The following DRP2 variants were observed in gnomAD, a reference collection of about 807,000 sequenced individuals.
DRP2 encodes dystrophin-related protein 2.
In DRP2, 29 loss-of-function variants were observed where a neutral mutation model predicts 78.2. That is an observed-to-expected ratio of 0.37 (90% CI 0.28 to 0.51). The LOEUF (loss-of-function observed/expected upper bound fraction) is 0.51. Among genes scored for constraint, DRP2 ranks in the 20% least tolerant of loss-of-function variants. DRP2 has a pLI of 0.94. For synonymous variants in DRP2, 290 were observed against 281.9 expected, an observed-to-expected ratio of 1.03 and a Z score of -0.29; for missense variants, 686 against 770.6, an observed-to-expected ratio of 0.89 and a Z score of 1.30.
chrX:101,248,938 C>T (rs775802981), intron 14 of DRP2, among the ~76,000 whole-genome samples: 15 of 112,193 alleles, frequency 1.3e-4, no homozygotes, highest in African/African-American at 4.9e-4. Flanking sequence ...CAGGCTTAGC[C>T]CTCTTCCAGT....
At chrX:101,259,814 T>G (rs1303588497) in intron 22 of DRP2, among the ~76,000 whole-genome samples, 2 of 112,477 alleles carry the variant, frequency 1.8e-5, no homozygotes, top group East Asian at 5.6e-4. Context: ...GCCATTCTTA[T>G]AAGAACTGGG....
intron 14 of DRP2, 74 bp from the exon 15 acceptor site, chrX:101,250,349 T>G: frequency 8.4e-7 from 1 of 1,186,075 alleles, no homozygotes; most frequent in South Asian, 1.8e-5. Flanking sequence ...ATTTTCCTTT[T>G]CTGCCCTTTC....
intron 3 of DRP2, among the ~76,000 whole-genome samples, chrX:101,232,351 C>G (rs148699946): frequency 0.034 from 3,757 of 111,006 alleles, 55 homozygotes; most frequent in Non-Finnish European, 0.055. Context: ...AGAGGGCAGC[C>G]CCCTTTCCCG....
intron 4 of DRP2, 67 bp from the exon 5 acceptor site, chrX:101,237,552 G>T: frequency 1.0e-6 from 1 of 1,000,106 alleles, no homozygotes. Flanking sequence ...AACTTAGTTT[G>T]GAAAAAAAAA....
rs755501042 is a variant in DRP2, at chrX:101,247,661, G to C, written c.1253-428G>C. 3.6e-5 allele frequency among the ~76,000 whole-genome samples: 4 copies of C among 112,021 alleles called. No homozygotes were observed. The East Asian group carries it at 1.1e-3, about 31-fold the overall frequency. ...GGGGTAATTAAGATGTCCTCTTGAT[G>C]TATGTCACATTTCCCCAACCATACC... is the stretch of plus-strand genomic sequence containing the variant. On this transcript the variant is annotated intron_variant, in intron 12 of 23. Coordinates refer to ENST00000395209, the MANE Select transcript of DRP2 (RefSeq NM_001939.3).
chrX:101,239,160 C>T (rs1922623382), intron 6 of DRP2, 59 bp downstream of exon 6: 2 of 1,143,945 alleles, frequency 1.7e-6, no homozygotes, highest in Non-Finnish European at 2.3e-6. Context: ...GAATGCTGAA[C>T]AAACACCCTC....
In DRP2 at chrX:101,254,940, C is replaced by T. The variant is rs183516376; in HGVS notation, c.2180+16C>T. ...TTGCCAGCAGGTACCACCAGGTTTG[C>T]GGGAGGTGGGTAGGAGCTGTTGTAG... On this transcript the variant is annotated intron_variant, in intron 19 of 23. Transcript: ENST00000395209. 4.2e-5 allele frequency: 51 copies of T among 1,208,792 alleles called. No individual in the cohort carries two copies. The highest frequency in any genetic ancestry group is 2.3e-4 in the African/African-American group (13 of 56,984).
intron 5 of DRP2, 26 bp downstream of exon 5, chrX:101,237,801 G>T: frequency 9.2e-7 from 1 of 1,091,257 alleles, no homozygotes; most frequent in Non-Finnish European, 1.2e-6. Context: ...AGAAGCCGTG[G>T]TGTGTAGCCT....
At chrX:101,252,860 G>A in intron 17 of DRP2, 144 bp downstream of exon 17, 1 of 448,319 alleles carries the variant, frequency 2.2e-6, no homozygotes, top group Non-Finnish European at 3.7e-6. Context: ...ACTGGTTTGG[G>A]AAATTCAGGC....
chrX:101,257,415 A>T (rs12556141), intron 21 of DRP2, among the ~76,000 whole-genome samples: 1 of 93,100 alleles, frequency 1.1e-5, no homozygotes, highest in African/African-American at 4.2e-5. Context: ...GTTTGTGACC[A>T]GTCCAAGGCA....
intron 6 of DRP2, among the ~76,000 whole-genome samples, chrX:101,241,071 T>C (rs1188691269): frequency 8.9e-6 from 1 of 112,472 alleles, no homozygotes; most frequent in Non-Finnish European, 1.9e-5. Flanking sequence ...TGAATAGGGC[T>C]CTAGATGACT....
At chrX:101,224,891 G>A (rs1340783050) in intron 2 of DRP2, among the ~76,000 whole-genome samples, 185 bp downstream of exon 2, 1 of 112,413 alleles carries the variant, frequency 8.9e-6, no homozygotes, top group Non-Finnish European at 1.9e-5. Context: ...CCAGTCCCCC[G>A]CTGGTGGACA....
intron 19 of DRP2, 94 bp from the exon 20 acceptor site, chrX:101,255,090 C>T: frequency 1.8e-6 from 2 of 1,094,472 alleles, no homozygotes; most frequent in Non-Finnish European, 2.5e-6. Flanking sequence ...GGGCAGCTCT[C>T]AAAGCCAATG....
chrX:101,242,517 AAC>A, intron 8 of DRP2, 46 bp downstream of exon 8: 2 of 1,178,282 alleles, frequency 1.7e-6, no homozygotes, highest in Non-Finnish European at 2.3e-6. Context: ...GCCTCCATAT[AAC>A]TAGGCTTGGG....
chrX:101,245,971 A>T (rs755137545), intron 11 of DRP2, among the ~76,000 whole-genome samples: 1 of 112,440 alleles, frequency 8.9e-6, no homozygotes, highest in African/African-American at 3.2e-5. Flanking sequence ...GAAGTGATGG[A>T]TGTACTAATG....
chrX:101,256,452 C>A (rs1403983589), intron 21 of DRP2, among the ~76,000 whole-genome samples, 191 bp downstream of exon 21: 1 of 111,669 alleles, frequency 9.0e-6, no homozygotes, highest in Non-Finnish European at 1.9e-5. Flanking sequence ...TTGTGAAGAC[C>A]AAATGAGATC....
At position 101,256,143 on chromosome X, in the gene DRP2, C is replaced by T; in HGVS notation, c.2272C>T (p.His758Tyr). Reference sequence around the variant, plus strand: ...AGACGAGGACCAGTACCTGCTGCGGCACTCCAGCCCCATCACAGACCGGGA... The same window carrying T: ...AGACGAGGACCAGTACCTGCTGCGGTACTCCAGCCCCATCACAGACCGGGA... ...SIDEDQYLLR[H>Y]SSPITDREPA... is the part of the protein sequence containing the mutation. The change falls in exon 21 of 24, where the codon CAC (histidine) becomes TAC (tyrosine). Residue 758 changes from histidine to tyrosine, a missense_variant. Physicochemically the swap from His to Tyr is moderately conservative, Grantham distance 83 (BLOSUM62 2). Around this residue, in one of 2 missense-constraint regions of DRP2, gnomAD observed 423 missense variants for 531.5 expected, o/e 0.80. Transcript: ENST00000395209. The T allele has an allele frequency of 8.3e-7, 1 of 1,199,186 alleles. No homozygotes were observed. The highest frequency in any genetic ancestry group is 1.1e-6 in the Non-Finnish European group (1 of 890,349).
chrX:101,231,549 G>A lies in DRP2; in HGVS notation c.-63-36G>A, dbSNP rs749728493. ...ATGCTTGATTCATAGGCTTTTCTAG[G>A]TCTTGACTCGAAATCTCTCTGTATT... On this transcript the variant is annotated intron_variant, in intron 2 of 23. Coordinates refer to ENST00000395209, the MANE Select transcript of DRP2 (RefSeq NM_001939.3). 22 of 742,226 alleles carry A rather than the reference G, an allele frequency of 3.0e-5. No individual in the cohort carries two copies. The African/African-American group carries it at 4.0e-4, about 13-fold the overall frequency. 61.2% of individuals were successfully genotyped at this position (742,226 alleles called of 1,213,427 possible).
Position 101,263,016 on chromosome X carries a change from G to A in DRP2, c.*2395G>A, listed in dbSNP as rs987457095. ...GTGGGCCAGGCATGGTAGAAAAGATGTAGATCTTGTTATGTAGGATTTGCG... is the reference window on the plus strand; with the variant it reads ...GTGGGCCAGGCATGGTAGAAAAGATATAGATCTTGTTATGTAGGATTTGCG... On this transcript the variant is annotated 3_prime_UTR_variant, in exon 24 of 24. Transcript: ENST00000395209. The A allele has an allele frequency of 8.9e-6, 1 of 112,003 alleles. No individual in the cohort carries two copies. Among genetic ancestry groups the A allele is most frequent in the African/African-American group, 3.3e-5 (1 of 30,768 alleles). 9.2% of individuals were successfully genotyped at this position (112,003 alleles called of 1,213,427 possible).
Sources: gnomAD v4.1 joint callset for allele counts (sites outside exome capture counted in the v4.1 genomes callset) on GRCh38, gnomAD v4.1.1 for gene constraint, gnomAD v4.1.1 regional missense constraint, MANE v1.5 for transcripts, NCBI Gene and HGNC (gene_info 2026-07-23, HGNC 2026-07-21) for gene names.